PDZRN3: variants seen among roughly 807,000 people sequenced by gnomAD.
PDZRN3 encodes PDZ domain containing ring finger 3, also known as E3 ubiquitin-protein ligase PDZRN3.
In PDZRN3, 38 loss-of-function variants were observed where a neutral mutation model predicts 85.7. That is an observed-to-expected ratio of 0.44 (90% CI 0.34 to 0.58). The LOEUF is 0.58. PDZRN3 is among the 20% of genes least tolerant of loss of function. The pLI, the probability that PDZRN3 is intolerant of heterozygous loss-of-function variation, is 0.01. For synonymous variants in PDZRN3, 759 were observed against 638.0 expected (o/e 1.19, Z -2.86); for missense variants, 1,629 against 1,506.4 (o/e 1.08, Z -1.35).
chr3:73,501,288 G>A (rs1007251923), intron 3 of PDZRN3, among the ~76,000 whole-genome samples: 2 of 152,166 alleles, frequency 1.3e-5, no homozygotes, highest in African/African-American at 4.8e-5. Context: ...ATCTCTCTGA[G>A]TCCTTTCCAC....
Position 73,448,892 on chromosome 3 carries a change from A to G in PDZRN3, c.919-44497T>C, listed in dbSNP as rs900542784. On this transcript the variant is annotated intron_variant, in intron 3 of 9. Transcript: ENST00000263666. ...ACAGGCACCTTTTATATTTAAAACC[A>G]GTCACCATGACTACCACAACCCAGT... 3.3e-5 allele frequency among the ~76,000 whole-genome samples: 5 copies of G among 152,208 alleles called. No homozygotes were observed. In the East Asian group the frequency reaches 7.7e-4, roughly 23 times the overall value.
chr3:73,425,787 G>A (rs1702301811), intron 3 of PDZRN3, among the ~76,000 whole-genome samples: 1 of 152,102 alleles, frequency 6.6e-6, no homozygotes, highest in African/African-American at 2.4e-5. Flanking sequence ...GTACACTAAA[G>A]ATTGACCAAT....
intron 3 of PDZRN3, among the ~76,000 whole-genome samples, chr3:73,410,787 G>C (rs1028087034): frequency 6.6e-6 from 1 of 152,136 alleles, no homozygotes; most frequent in African/African-American, 2.4e-5. Flanking sequence ...TCCCACCTTA[G>C]TATCTCCTTT....
intron 3 of PDZRN3, among the ~76,000 whole-genome samples, chr3:73,542,462 T>A (rs899985724): frequency 3.3e-5 from 5 of 152,058 alleles, no homozygotes; most frequent in Non-Finnish European, 7.4e-5. Flanking sequence ...GACCATGACA[T>A]AAAAAAAGGC....
chr3:73,540,817 A>T (rs1344459752), intron 3 of PDZRN3, among the ~76,000 whole-genome samples: 1 of 152,234 alleles, frequency 6.6e-6, no homozygotes, highest in Non-Finnish European at 1.5e-5. Flanking sequence ...GATAAAGCAC[A>T]AGAGTATAAC....
chr3:73,589,902 T>C (rs188805987), intron 3 of PDZRN3, among the ~76,000 whole-genome samples: 262 of 152,200 alleles, frequency 1.7e-3, no homozygotes, highest in African/African-American at 5.9e-3. Context: ...TATATATTCA[T>C]ATAGAGTCAT....
chr3:73,540,081 T>C (rs1320230888), intron 3 of PDZRN3, among the ~76,000 whole-genome samples: 2 of 116,448 alleles, frequency 1.7e-5, no homozygotes, highest in Non-Finnish European at 3.4e-5. Context: ...CTGAAAACTG[T>C]TGGATGAAAA....
intron 3 of PDZRN3, among the ~76,000 whole-genome samples, chr3:73,462,763 G>C (rs1409439070): frequency 6.6e-6 from 1 of 152,054 alleles, no homozygotes; most frequent in East Asian, 1.9e-4. Flanking sequence ...CGTTTAAGTG[G>C]CCACCACCAG....
At chr3:73,420,882 C>T (rs906129569) in intron 3 of PDZRN3, among the ~76,000 whole-genome samples, 1 of 152,154 alleles carries the variant, frequency 6.6e-6, no homozygotes, top group African/African-American at 2.4e-5. Flanking sequence ...GTATTTGCAT[C>T]CTCCCATATA....
At chr3:73,405,552 A>G (rs1701836121) in intron 3 of PDZRN3, among the ~76,000 whole-genome samples, 1 of 152,230 alleles carries the variant, frequency 6.6e-6, no homozygotes, top group Non-Finnish European at 1.5e-5. Context: ...ATGGTATAGG[A>G]ATCATATTCC....
intron 3 of PDZRN3, among the ~76,000 whole-genome samples, chr3:73,473,304 A>G (rs1212290217): frequency 6.6e-6 from 1 of 152,122 alleles, no homozygotes; most frequent in East Asian, 1.9e-4. Flanking sequence ...TTCTCTGCAA[A>G]TTCTACCATT....
At chr3:73,612,264 T>G (rs1702696814) in intron 1 of PDZRN3, among the ~76,000 whole-genome samples, 1 of 152,154 alleles carries the variant, frequency 6.6e-6, no homozygotes, top group African/African-American at 2.4e-5. Flanking sequence ...CATGATCACA[T>G]AGTGGCAAAG....
At chr3:73,413,878 G>A (rs1702024353) in intron 3 of PDZRN3, among the ~76,000 whole-genome samples, 1 of 152,140 alleles carries the variant, frequency 6.6e-6, no homozygotes, top group African/African-American at 2.4e-5. Flanking sequence ...CAAGTCAGCT[G>A]AGTCTACTGA....
At position 73,510,872 on chromosome 3, in the gene PDZRN3, C is replaced by T. The variant is rs541369402; in HGVS notation, c.918+91482G>A. ...TATACTGTAATAAAAGTTATATATG[C>T]ATGTGGTCTCTTTCTCAAAATACCT... On this transcript the variant is annotated intron_variant, in intron 3 of 9. Coordinates refer to ENST00000263666, the MANE Select transcript of PDZRN3 (RefSeq NM_015009.3). Among the ~76,000 whole-genome samples the T allele has an allele frequency of 1.2e-4, 19 of 152,252 alleles. No individual in the cohort carries two copies. In the East Asian group the frequency reaches 2.1e-3, roughly 17 times the overall value.
chr3:73,464,672 A>G (rs1290543197), intron 3 of PDZRN3, among the ~76,000 whole-genome samples: 2 of 151,930 alleles, frequency 1.3e-5, no homozygotes, highest in South Asian at 2.1e-4. Context: ...AAATTTTCCT[A>G]TATTTCAAAA....
intron 3 of PDZRN3, among the ~76,000 whole-genome samples, chr3:73,421,850 T>A (rs1702209754): frequency 6.6e-6 from 1 of 152,154 alleles, no homozygotes; most frequent in Non-Finnish European, 1.5e-5. Flanking sequence ...GGTTTCACCA[T>A]GTTGGCCAGG....
intron 3 of PDZRN3, among the ~76,000 whole-genome samples, chr3:73,597,082 AT>A (rs971684517): frequency 6.6e-5 from 10 of 152,170 alleles, no homozygotes; most frequent in African/African-American, 1.9e-4. Flanking sequence ...GAAATGAAAC[AT>A]TTTTTAAAGG....
At chr3:73,398,023 T>C (rs1460773116) in intron 5 of PDZRN3, among the ~76,000 whole-genome samples, 1 of 152,224 alleles carries the variant, frequency 6.6e-6, no homozygotes, top group African/African-American at 2.4e-5. Context: ...GGCCAAACAG[T>C]ATATTTAATG....
At chr3:73,566,704 G>A (rs1466187311) in intron 3 of PDZRN3, among the ~76,000 whole-genome samples, 1 of 152,108 alleles carries the variant, frequency 6.6e-6, no homozygotes, top group Non-Finnish European at 1.5e-5. Context: ...TAGGATTAGT[G>A]GTTTGTTTCA....
Sources: allele counts gnomAD v4.1 joint callset (sites outside exome capture counted in the v4.1 genomes callset), GRCh38; gene constraint gnomAD v4.1.1; transcripts MANE v1.5; gene names NCBI Gene and HGNC (gene_info 2026-07-23, HGNC 2026-07-21).